Variants in PRKCH observed in about 807,000 individuals in gnomAD.
The protein encoded by PRKCH is protein kinase C eta type.
Under a neutral mutation model 82.5 loss-of-function variants are expected in PRKCH, and 28 were observed. The observed-to-expected ratio is 0.34, with a 90% CI of 0.25 to 0.47. PRKCH has a LOEUF of 0.47. Among genes scored for constraint, PRKCH ranks in the 20% least tolerant of loss-of-function variants. PRKCH has a pLI of 1.00. For missense variants in PRKCH, 705 were observed against 881.8 expected (o/e 0.80, Z 2.54); for synonymous variants, 322 against 327.4 (o/e 0.98, Z 0.18).
intron 1 of PRKCH, among the ~76,000 whole-genome samples, chr14:61,288,529 A>G (rs1319499235): frequency 1.3e-5 from 2 of 152,188 alleles, no homozygotes; most frequent in East Asian, 1.9e-4. Context: ...TGGAGATCGT[A>G]TACCCATGGA....
intron 1 of PRKCH, among the ~76,000 whole-genome samples, chr14:61,254,162 T>C (rs1287739610): frequency 1.3e-5 from 2 of 152,088 alleles, no homozygotes; most frequent in African/African-American, 2.4e-5. Context: ...GTTTTATCAT[T>C]TGGATATAGA....
intron 1 of PRKCH, among the ~76,000 whole-genome samples, chr14:61,388,311 T>G (rs1306576956): frequency 6.6e-6 from 1 of 152,236 alleles, no homozygotes; most frequent in Non-Finnish European, 1.5e-5. Flanking sequence ...GAAGACCGTG[T>G]TTAAATCCGG....
At chr14:61,487,832 A>AG (rs1197499777) in intron 10 of PRKCH, among the ~76,000 whole-genome samples, 1 of 98,168 alleles carries the variant, frequency 1.0e-5, no homozygotes, top group Non-Finnish European at 1.9e-5. Flanking sequence ...TATCTCTACA[A>AG]AAAAAAAAAA....
At chr14:61,245,862 CT>C (rs1470903935) in intron 1 of PRKCH, among the ~76,000 whole-genome samples, 2 of 152,162 alleles carry the variant, frequency 1.3e-5, no homozygotes, top group Non-Finnish European at 1.5e-5. Context: ...AATCCTTGCA[CT>C]AAAAAGTTTC....
chr14:61,198,154 C>T (rs1363389815), intron 1 of PRKCH, among the ~76,000 whole-genome samples: 1 of 136,174 alleles, frequency 7.3e-6, no homozygotes, highest in Non-Finnish European at 1.6e-5. Context: ...GTTTCCGAGA[C>T]TTCATGTATT....
chr14:61,479,762 G>T (rs1885884915), intron 9 of PRKCH, among the ~76,000 whole-genome samples: 1 of 152,204 alleles, frequency 6.6e-6, no homozygotes, highest in Non-Finnish European at 1.5e-5. Context: ...GATAGCCAGG[G>T]CAGAGAGTGG....
chr14:61,272,787 A>G (rs1160800867), intron 1 of PRKCH, among the ~76,000 whole-genome samples: 14 of 152,232 alleles, frequency 9.2e-5, no homozygotes, highest in African/African-American at 3.4e-4. Flanking sequence ...AAAAGTTTAT[A>G]AAATCACCTC....
At chr14:61,443,676 A>G (rs1884082140) in intron 3 of PRKCH, among the ~76,000 whole-genome samples, 1 of 152,232 alleles carries the variant, frequency 6.6e-6, no homozygotes, top group Non-Finnish European at 1.5e-5. Flanking sequence ...GAGAAAACTA[A>G]ACACAAAGTA....
intron 10 of PRKCH, among the ~76,000 whole-genome samples, chr14:61,489,222 A>G (rs1348176456): frequency 3.9e-5 from 6 of 152,192 alleles, no homozygotes; most frequent in Non-Finnish European, 7.4e-5. Context: ...TATCAGAGCT[A>G]AAATAATCCC....
chr14:61,193,677 CT>C, intron 1 of PRKCH, among the ~76,000 whole-genome samples: 1 of 152,302 alleles, frequency 6.6e-6, no homozygotes, highest in Non-Finnish European at 1.5e-5. Flanking sequence ...ACCATGACCA[CT>C]GTCTCAGTCA....
intron 1 of PRKCH, chr14:61,281,009 T>G (rs1457343361): frequency 5.2e-6 from 8 of 1,539,104 alleles, no homozygotes; most frequent in African/African-American, 1.4e-5. Context: ...CCCAGGCCGA[T>G]GAAGGCCAGG....
intron 2 of PRKCH, among the ~76,000 whole-genome samples, chr14:61,398,352 AATTC>A (rs1434436163): frequency 1.3e-5 from 2 of 152,248 alleles, no homozygotes; most frequent in African/African-American, 4.8e-5. Flanking sequence ...CATTAAACTA[AATTC>A]ATAACTGCTT....
At chr14:61,483,362 T>C (rs2140327045) in intron 9 of PRKCH, among the ~76,000 whole-genome samples, 1 of 152,346 alleles carries the variant, frequency 6.6e-6, no homozygotes, top group South Asian at 2.1e-4. Context: ...CACCCTCAAA[T>C]GAAGGCCAGG....
At chr14:61,454,519 A>G (rs1006746479) in intron 7 of PRKCH, among the ~76,000 whole-genome samples, 1 of 152,218 alleles carries the variant, frequency 6.6e-6, no homozygotes, top group Non-Finnish European at 1.5e-5. Flanking sequence ...ACCAGTAACT[A>G]TGGGCGTCAG....
intron 1 of PRKCH, among the ~76,000 whole-genome samples, chr14:61,212,298 G>A (rs1167850493): frequency 6.6e-6 from 1 of 152,158 alleles, no homozygotes; most frequent in Non-Finnish European, 1.5e-5. Flanking sequence ...CAATACTGTC[G>A]AATGGATGGA....
At chr14:61,457,794 C>T (rs1884847958) in intron 9 of PRKCH, 115 bp downstream of exon 9, 1 of 1,399,478 alleles carries the variant, frequency 7.1e-7, no homozygotes, top group African/African-American at 1.4e-5. Context: ...GATGGGCTCC[C>T]AAGGCAGGGT....
At chr14:61,442,056 TTC>T (rs1411176490) in intron 2 of PRKCH, among the ~76,000 whole-genome samples, 89 of 152,212 alleles carry the variant, frequency 5.8e-4, no homozygotes, top group African/African-American at 2.0e-3. Flanking sequence ...CTTTGAAATC[TTC>T]TGTCTCTTCC....
At chr14:61,460,930 G>A (rs1173677342) in intron 9 of PRKCH, among the ~76,000 whole-genome samples, 1 of 152,158 alleles carries the variant, frequency 6.6e-6, no homozygotes, top group African/African-American at 2.4e-5. Flanking sequence ...ATGCAGCCTG[G>A]AGAATGGGTG....
intron 1 of PRKCH, among the ~76,000 whole-genome samples, chr14:61,296,636 G>A (rs1331511942): frequency 6.6e-6 from 1 of 152,190 alleles, no homozygotes; most frequent in East Asian, 1.9e-4. Context: ...TTTCCATGCA[G>A]AAGACTGGCC....
Sources: allele counts gnomAD v4.1 joint callset (sites outside exome capture counted in the v4.1 genomes callset), GRCh38; gene constraint gnomAD v4.1.1; transcripts MANE v1.5; gene names NCBI Gene and HGNC (gene_info 2026-07-23, HGNC 2026-07-21).